Variants in MYO1E observed in about 807,000 individuals in gnomAD.
MYO1E encodes the protein myosin IE.
A neutral mutation model predicts 151.1 loss-of-function variants in MYO1E; 68 were observed. The ratio of observed to expected loss-of-function variants is 0.45; its 90% CI spans 0.37 to 0.55. The LOEUF (loss-of-function observed/expected upper bound fraction) is 0.55, where lower values mean the gene tolerates loss of function less well. Ranked by LOEUF, MYO1E falls within the 20% of genes least tolerant of loss-of-function variation. The pLI is 0.00. For missense variants in MYO1E, 1,363 were observed against 1,389.3 expected (o/e 0.98, Z 0.30); for synonymous variants, 601 against 501.7 (o/e 1.20, Z -2.64).
chr15:59,249,712 G>C (rs1404073600), intron 4 of MYO1E, among the ~76,000 whole-genome samples: 1 of 152,148 alleles, frequency 6.6e-6, no homozygotes, highest in Non-Finnish European at 1.5e-5. Flanking sequence ...AGTCTTTCCA[G>C]CCATGCCAGA....
chr15:59,357,576 C>T (rs1486972621), intron 1 of MYO1E, among the ~76,000 whole-genome samples: 2 of 144,786 alleles, frequency 1.4e-5, no homozygotes, highest in African/African-American at 5.1e-5. Context: ...AGGTGCCTAC[C>T]ACCACGCCTG....
intron 5 of MYO1E, among the ~76,000 whole-genome samples, chr15:59,234,265 C>CACGG (rs1555413262): frequency 1.4e-5 from 2 of 140,590 alleles, no homozygotes; most frequent in African/African-American, 6.2e-5. Flanking sequence ...TGGATGGGTG[C>CACGG]ATGGATGGAT....
In MYO1E at chr15:59,317,205, G is replaced by C. The variant is rs543711632; in HGVS notation, c.4-44756C>G. 1.1e-4 allele frequency among the ~76,000 whole-genome samples: 17 copies of C among 152,284 alleles called. 2 individuals carry two copies. In the South Asian group the frequency reaches 3.5e-3, roughly 32 times the overall value. ...TAAGTTGGCAGATAGAGATGAACAA[G>C]GCACACACATTACCTGCCCTCATAG... On this transcript the variant is annotated intron_variant, in intron 1 of 27. Transcript: ENST00000288235.
intron 7 of MYO1E, among the ~76,000 whole-genome samples, chr15:59,226,644 G>A (rs919626901): frequency 6.6e-6 from 1 of 151,834 alleles, no homozygotes; most frequent in Admixed American, 6.6e-5. Context: ...CCACCTCTAC[G>A]AAAAATACAA....
chr15:59,309,206 G>C (rs2080534806), intron 1 of MYO1E, among the ~76,000 whole-genome samples: 1 of 152,190 alleles, frequency 6.6e-6, no homozygotes, highest in East Asian at 1.9e-4. Context: ...CTATGCACTA[G>C]CTCTGAGCCC....
In MYO1E at chr15:59,231,596, T is replaced by C. The variant is rs2080028371; in HGVS notation, c.510+106A>G. ...AGGAAAGATCGAAGAGGTGGCCTCC[T>C]GATGATATGTGAAAGGCTCCCATTT... On this transcript the variant is annotated intron_variant, in intron 6 of 27. Coordinates refer to ENST00000288235, the MANE Select transcript of MYO1E (RefSeq NM_004998.4). 9 of 1,203,686 alleles carry C rather than the reference T, an allele frequency of 7.5e-6. No individual in the cohort carries two copies. In the East Asian group the frequency reaches 2.1e-4, roughly 28 times the overall value. 74.6% of individuals were successfully genotyped at this position (1,203,686 alleles called of 1,614,324 possible).
chr15:59,207,568 A>T, intron 14 of MYO1E: 2 of 1,614,126 alleles, frequency 1.2e-6, no homozygotes, highest in Non-Finnish European at 1.7e-6. Context: ...TATTATTGGA[A>T]GCGGCTGTAA....
intron 1 of MYO1E, among the ~76,000 whole-genome samples, chr15:59,303,460 C>CAG (rs1320073141): frequency 6.6e-6 from 1 of 151,894 alleles, no homozygotes; most frequent in Non-Finnish European, 1.5e-5. Flanking sequence ...ACCCGAGGGG[C>CAG]AGAAGTTGCA....
intron 1 of MYO1E, among the ~76,000 whole-genome samples, chr15:59,280,230 A>G (rs74926007): frequency 2.3e-3 from 351 of 152,360 alleles, no homozygotes; most frequent in African/African-American, 7.5e-3. Flanking sequence ...TTTCTATATC[A>G]ATGAACAGTT....
Position 59,138,179 on chromosome 15 carries a change from C to G in MYO1E, c.3250+19G>C. ...ATGCTCTTTGGGAGGCTGTCCCAGC[C>G]AACCAGCCACACACTTACCTTCTTT... On this transcript the variant is annotated intron_variant, in intron 27 of 27. Coordinates refer to ENST00000288235, the MANE Select transcript of MYO1E (RefSeq NM_004998.4). The G allele has an allele frequency of 6.2e-7, 1 of 1,613,726 alleles. No individual in the cohort carries two copies. Among genetic ancestry groups the G allele is most frequent in the Admixed American group, 1.7e-5 (1 of 60,016 alleles).
chr15:59,249,519 A>C (rs1474268180), intron 4 of MYO1E, among the ~76,000 whole-genome samples: 1 of 152,310 alleles, frequency 6.6e-6, no homozygotes, highest in Non-Finnish European at 1.5e-5. Flanking sequence ...TGCGTTGGAA[A>C]ATATGAGTAA....
At chr15:59,178,818 T>C (rs2079641247) in intron 18 of MYO1E, among the ~76,000 whole-genome samples, 1 of 152,218 alleles carries the variant, frequency 6.6e-6, no homozygotes, top group South Asian at 2.1e-4. Flanking sequence ...TACCACTGTC[T>C]GAAAATAGCA....
intron 26 of MYO1E, among the ~76,000 whole-genome samples, chr15:59,147,404 A>G (rs536152034): frequency 2.0e-4 from 30 of 152,202 alleles, no homozygotes; most frequent in African/African-American, 6.7e-4. Context: ...GTTCGAGACC[A>G]GCCTGGCCAA....
intron 16 of MYO1E, among the ~76,000 whole-genome samples, chr15:59,200,719 T>C (rs2079796090): frequency 6.6e-6 from 1 of 152,250 alleles, no homozygotes; most frequent in African/African-American, 2.4e-5. Flanking sequence ...ATATACATCT[T>C]GTGTTCAGTA....
At chr15:59,224,091 G>C (rs2079972591) in intron 8 of MYO1E, among the ~76,000 whole-genome samples, 1 of 152,188 alleles carries the variant, frequency 6.6e-6, no homozygotes, top group Non-Finnish European at 1.5e-5. Flanking sequence ...AGGCCTTTGA[G>C]GCCAAGTGGG....
chr15:59,256,200 A>G, intron 4 of MYO1E, 84 bp downstream of exon 4: 2 of 1,088,492 alleles, frequency 1.8e-6, no homozygotes, highest in African/African-American at 1.5e-5. Context: ...TAGCTGTTGC[A>G]AAACCACTGC....
chr15:59,372,253 G>C (rs1272246269), intron 1 of MYO1E, among the ~76,000 whole-genome samples: 5 of 152,132 alleles, frequency 3.3e-5, no homozygotes, highest in Non-Finnish European at 7.4e-5. Flanking sequence ...ATAGCAACCC[G>C]GCCACAGAAA....
intron 26 of MYO1E, among the ~76,000 whole-genome samples, chr15:59,152,604 C>CAG (rs1265869459): frequency 6.6e-6 from 1 of 152,184 alleles, no homozygotes; most frequent in African/African-American, 2.4e-5. Flanking sequence ...GTTAAGTGAG[C>CAG]AGACGCCTGC....
intron 25 of MYO1E, among the ~76,000 whole-genome samples, chr15:59,157,248 T>C (rs1460162789): frequency 6.6e-6 from 1 of 152,106 alleles, no homozygotes; most frequent in African/African-American, 2.4e-5. Flanking sequence ...ATATGAAATA[T>C]GAGCATAAAT....
Sources: gnomAD v4.1 joint callset for allele counts (sites outside exome capture counted in the v4.1 genomes callset) on GRCh38, gnomAD v4.1.1 for gene constraint, MANE v1.5 for transcripts, NCBI Gene and HGNC (gene_info 2026-07-23, HGNC 2026-07-21) for gene names.